Variants in IGSF22 observed in about 807,000 individuals in gnomAD.
IGSF22 encodes the protein immunoglobulin superfamily, member 22.
In IGSF22, 119 loss-of-function variants were observed where a neutral mutation model predicts 127.0. The observed-to-expected ratio is 0.94, with a 90% CI of 0.81 to 1.09. The LOEUF is 1.09. Ranked by LOEUF, IGSF22 falls within the 50% of genes least tolerant of loss-of-function variation. The pLI is 0.00. For synonymous variants in IGSF22, 568 were observed against 664.7 expected, an observed-to-expected ratio of 0.85 and a Z score of 2.24; for missense variants, 1,518 against 1,716.6, an observed-to-expected ratio of 0.88 and a Z score of 2.04.
Position 18,710,809 on chromosome 11 carries a change from G to A in IGSF22, c.2418C>T (p.Ser806=). The A allele has an allele frequency of 6.2e-7, 1 of 1,613,236 alleles. No homozygotes were observed. Among genetic ancestry groups the A allele is most frequent in the East Asian group, 2.2e-5 (1 of 44,856 alleles). The change falls in exon 16 of 23, where the codon TCC becomes TCT. Residue 806 remains serine, a synonymous_variant. Coordinates refer to ENST00000513874, the MANE Select transcript of IGSF22 (RefSeq NM_173588.4). ...TAGTCACATCAGTCACTTGAGGCTGGGAGGCAAAACCAGGAGGCTCTGTGG... is the reference window on the plus strand; with the variant it reads ...TAGTCACATCAGTCACTTGAGGCTGAGAGGCAAAACCAGGAGGCTCTGTGG... ...GNPIEPPGFA[S]QPQVTDVTKE...
chr11:18,721,119 G>A (rs556330694), intron 4 of IGSF22, among the ~76,000 whole-genome samples: 3 of 152,304 alleles, frequency 2.0e-5, no homozygotes, highest in Middle Eastern at 3.4e-3. Flanking sequence ...AGAGCCCGGA[G>A]CCCCTGACCC....
In IGSF22 at chr11:18,706,161, CG is replaced by C; in HGVS notation, c.3581-16del. 6.6e-7 allele frequency: 1 copy of C among 1,524,722 alleles called. No homozygotes were observed. The highest frequency in any genetic ancestry group is 8.8e-7 in the Non-Finnish European group (1 of 1,138,180). The allele number at this position is 1,524,722 out of a possible 1,614,324, so 94.4% of individuals were successfully genotyped here. A position where few individuals can be genotyped will look rare whatever the true frequency, so the allele number is the denominator to read the frequency against. The stretch of plus-strand genomic sequence containing the variant: ...CAGGTCCTGGACTGCGCGGGCGGGG[CG>C]GGGCAGGCCGTGAGGGCGCCCCAAG... On this transcript the variant is annotated splice_polypyrimidine_tract_variant and intron_variant, in intron 21 of 22. Coordinates refer to ENST00000513874, the MANE Select transcript of IGSF22 (RefSeq NM_173588.4).
At position 18,716,364 on chromosome 11, in the gene IGSF22, C is replaced by T. The variant is rs561674991; in HGVS notation, c.1246+364G>A. On this transcript the variant is annotated intron_variant, in intron 10 of 22. Coordinates refer to ENST00000513874, the MANE Select transcript of IGSF22 (RefSeq NM_173588.4). This position sits in a 1 kb window ranked among gnomAD's most constrained non-coding sequence, Gnocchi z 4.5. ...CTCATTGGTGTACCTACATTATGTG[C>T]GAACTCCCAAAGTAGTTGTGATAGC... Among the ~76,000 whole-genome samples the T allele has an allele frequency of 2.7e-4, 41 of 152,164 alleles. No homozygotes were observed. Among genetic ancestry groups the T allele is most frequent in the African/African-American group, 9.2e-4 (38 of 41,486 alleles).
At position 18,714,620 on chromosome 11, in the gene IGSF22, A is replaced by G. The variant is rs1848426246; in HGVS notation, c.1536T>C (p.Arg512=). The G allele has an allele frequency of 6.2e-7, 1 of 1,613,968 alleles. No homozygotes were observed. The highest frequency in any genetic ancestry group is 2.2e-5 in the East Asian group (1 of 44,884). The change falls in exon 12 of 23, where the codon CGT becomes CGC. Residue 512 remains arginine, a synonymous_variant. Transcript: ENST00000513874. ...YSTAIVTVEE[R]LATVKSGMSD... Reference sequence around the variant, plus strand: ...ACATCCCGCTCTTCACTGTGGCCAGACGCTCTGGGGAGAAAGGTGGGCAAG... The same window carrying G: ...ACATCCCGCTCTTCACTGTGGCCAGGCGCTCTGGGGAGAAAGGTGGGCAAG...
rs765002580 is a variant in IGSF22, at chr11:18,706,082, G to C, written c.3645C>G (p.Phe1215Leu). The change falls in exon 22 of 23, where the codon TTC becomes TTG. Residue 1215 changes from phenylalanine (F) to leucine (L), a missense_variant. This residue lies in a region of IGSF22 where 1,456 missense variants were observed against 1,644.9 expected (regional missense o/e 0.89). Coordinates refer to ENST00000513874, the MANE Select transcript of IGSF22 (RefSeq NM_173588.4). ...EKKDWRHAPR[F>L]VTPLKPHTVL... is the part of the protein sequence containing the mutation. ...CCGTGTGTGGCTTGAGGGGCGTCAC[G>C]AAGCGCGGCGCGTGGCGCCAGTCCT... is the stretch of plus-strand genomic sequence containing the variant. The C allele has an allele frequency of 1.7e-5, 26 of 1,549,484 alleles. No individual in the cohort carries two copies. In the East Asian group the frequency reaches 5.9e-4, roughly 35 times the overall value.
At position 18,709,437 on chromosome 11, in the gene IGSF22, A is replaced by G. The variant is rs766272943; in HGVS notation, c.2948T>C (p.Val983Ala). The G allele has an allele frequency of 1.2e-6, 2 of 1,613,698 alleles. No homozygotes were observed. Among genetic ancestry groups the G allele is most frequent in the East Asian group, 4.5e-5 (2 of 44,872 alleles). ...CTTGTCTAGCTCCACAGGCTCCCCA[A>G]CCCCAGCCTCATTCACAGCCCGGAT... ...FRIRAVNEAG[V>A]GEPVELDKGV... Residue 983 changes from valine (V) to alanine (A), a missense_variant, in exon 18 of 23, where the codon GTT becomes GCT. Coordinates refer to ENST00000513874, the MANE Select transcript of IGSF22 (RefSeq NM_173588.4). The surrounding 1 kb of genome is among the most constrained non-coding windows in gnomAD (Gnocchi z 4.8).
chr11:18,720,042 C>A, intron 6 of IGSF22, 22 bp downstream of exon 6: 1 of 1,613,768 alleles, frequency 6.2e-7, no homozygotes, highest in Non-Finnish European at 8.5e-7. Context: ...ATATCTTGGG[C>A]AGAAGGACCT....
intron 4 of IGSF22, among the ~76,000 whole-genome samples, chr11:18,721,189 C>T (rs1252245623): frequency 6.6e-6 from 1 of 152,202 alleles, no homozygotes. Flanking sequence ...GTCCCGCCCT[C>T]CATGGCTACG....
chr11:18,724,282 A>T lies in IGSF22; in HGVS notation c.-33-13T>A. On this transcript the variant is annotated splice_polypyrimidine_tract_variant and intron_variant, in intron 1 of 22. Coordinates refer to ENST00000513874, the MANE Select transcript of IGSF22 (RefSeq NM_173588.4). The stretch of plus-strand genomic sequence containing the variant: ...CTCACCTGTGAGACTGGGGAAGAGG[A>T]TGAGGCCATGAAGGACAAGACAGGG... 7.3e-7 allele frequency: 1 copy of T among 1,378,772 alleles called. No homozygotes were observed. Among genetic ancestry groups the T allele is most frequent in the Non-Finnish European group, 1.0e-6 (1 of 968,656 alleles). 85.4% of individuals were successfully genotyped at this position (1,378,772 alleles called of 1,614,324 possible).
At chr11:18,719,967 G>A in intron 6 of IGSF22, 74 bp from the exon 7 acceptor site, 9 of 1,610,188 alleles carry the variant, frequency 5.6e-6, no homozygotes, top group Non-Finnish European at 6.8e-6. Context: ...CCTACTCCAT[G>A]GATTCTTGGA....
chr11:18,719,851 A>AT lies in IGSF22; in HGVS notation c.560dup (p.Asn187LysfsTer2). 1 of 1,613,682 alleles carries AT rather than the reference A, an allele frequency of 6.2e-7. No individual in the cohort carries two copies. Among genetic ancestry groups the AT allele is most frequent in the African/African-American group, 1.3e-5 (1 of 74,976 alleles). On this transcript the variant is annotated frameshift_variant, in exon 7 of 23. Transcript: ENST00000513874. LOFTEE classifies it high-confidence loss of function. ...ACAAAATCTCCAGCATCTCTTTCTCATTTGCCACCTTCTTCTGCTTCTTCT... is the reference window on the plus strand; with the variant it reads ...ACAAAATCTCCAGCATCTCTTTCTCATTTTGCCACCTTCTTCTGCTTCTTCT...
chr11:18,712,667 C>T (rs1020922350), intron 14 of IGSF22, among the ~76,000 whole-genome samples: 1 of 152,226 alleles, frequency 6.6e-6, no homozygotes, highest in Non-Finnish European at 1.5e-5. Flanking sequence ...CAAGTTCTCC[C>T]CCTCTTCTGA....
intron 1 of IGSF22, among the ~76,000 whole-genome samples, chr11:18,724,842 T>C (rs1036794976): frequency 6.6e-6 from 1 of 152,148 alleles, no homozygotes; most frequent in African/African-American, 2.4e-5. Flanking sequence ...TTCAATCACA[T>C]AGTTAAAGAA....
At chr11:18,721,148 G>T (rs1463296021) in intron 4 of IGSF22, among the ~76,000 whole-genome samples, 1 of 152,138 alleles carries the variant, frequency 6.6e-6, no homozygotes, top group Non-Finnish European at 1.5e-5. Flanking sequence ...ACTCTACGGC[G>T]AGTCCCTCCG....
chr11:18,724,138 C>T lies in IGSF22; in HGVS notation c.99G>A (p.Lys33=). The T allele has an allele frequency of 6.2e-7, 1 of 1,612,922 alleles. No individual in the cohort carries two copies. Among genetic ancestry groups the T allele is most frequent in the Non-Finnish European group, 8.5e-7 (1 of 1,179,020 alleles). The part of the protein sequence containing the change: ...THVQTFSQTT[K]IVGEEVVRRK... ...CCCCATTCCACTTGCCTCCCACGATCTTGGTTGTCTGGGAGAAGGTCTGCA... is the reference window on the plus strand; with the variant it reads ...CCCCATTCCACTTGCCTCCCACGATTTTGGTTGTCTGGGAGAAGGTCTGCA... The change falls in exon 2 of 23, where the codon AAG becomes AAA. Residue 33 remains lysine, a synonymous_variant. Coordinates refer to ENST00000513874, the MANE Select transcript of IGSF22 (RefSeq NM_173588.4).
intron 4 of IGSF22, among the ~76,000 whole-genome samples, chr11:18,721,158 G>A (rs1323865726): frequency 6.6e-6 from 1 of 152,162 alleles, no homozygotes; most frequent in Non-Finnish European, 1.5e-5. Flanking sequence ...GAGTCCCTCC[G>A]GCACCTCGCC....
rs143825385 is a variant in IGSF22, at chr11:18,722,277, C to A, written c.110-236G>T. Among the ~76,000 whole-genome samples the A allele has an allele frequency of 2.3e-3, 348 of 150,830 alleles. 4 individuals carry two copies. Among genetic ancestry groups the A allele is most frequent in the African/African-American group, 8.2e-3 (335 of 41,018 alleles). Reference sequence around the variant, plus strand: ...TTTCCCACACCTCAGTGGTCCATTACCTTTATGGGGCCACAGCCCTGAGTC... The same window carrying A: ...TTTCCCACACCTCAGTGGTCCATTAACTTTATGGGGCCACAGCCCTGAGTC... On this transcript the variant is annotated intron_variant, in intron 2 of 22. Transcript: ENST00000513874.
In IGSF22 at chr11:18,715,776, A is replaced by G. The variant is rs372009703; in HGVS notation, c.1247-60T>C. The G allele has an allele frequency of 4.4e-5, 68 of 1,542,650 alleles. No individual in the cohort carries two copies. In the South Asian group the frequency reaches 8.0e-4, roughly 18 times the overall value. The stretch of plus-strand genomic sequence containing the variant: ...ACCACGACATCTTTTTTCTGCAGCT[A>G]TAGAGCCAAAAGCCCTGTCCCTCTT... On this transcript the variant is annotated intron_variant, in intron 10 of 22. Transcript: ENST00000513874.
At position 18,704,434 on chromosome 11, in the gene IGSF22, T is replaced by C; in HGVS notation, c.*34A>G. On this transcript the variant is annotated 3_prime_UTR_variant, in exon 23 of 23. Transcript: ENST00000513874. The stretch of plus-strand genomic sequence containing the variant: ...GGACAGGCCAAGAAACTCCACATCA[T>C]AACAGCCTCCTGATGCCTGGGCTTG... 6.8e-7 allele frequency: 1 copy of C among 1,478,072 alleles called. No individual in the cohort carries two copies. The highest frequency in any genetic ancestry group is 9.3e-7 in the Non-Finnish European group (1 of 1,080,126). The allele number at this position is 1,478,072 out of a possible 1,614,324, so 91.6% of individuals were successfully genotyped here.
Sources: allele counts gnomAD v4.1 joint callset (sites outside exome capture counted in the v4.1 genomes callset), GRCh38; gene constraint gnomAD v4.1.1; regional missense constraint gnomAD v4.1.1; non-coding constraint Gnocchi (gnomAD v3.1); transcripts MANE v1.5; gene names NCBI Gene and HGNC (gene_info 2026-07-23, HGNC 2026-07-21).